The following TENM2 variants were observed in gnomAD, a reference collection of about 807,000 sequenced individuals.
The protein encoded by TENM2 is teneurin-2.
Under a neutral mutation model 245.2 loss-of-function variants are expected in TENM2, and 52 were observed. The ratio of observed to expected loss-of-function variants is 0.21; its 90% CI spans 0.17 to 0.27. TENM2 has a LOEUF of 0.27. Ranked by LOEUF, TENM2 falls within the 10% of genes least tolerant of loss-of-function variation. The pLI, the probability that TENM2 is intolerant of heterozygous loss-of-function variation, is 1.00. For missense variants in TENM2, 3,046 were observed against 3,666.8 expected (o/e 0.83, Z 4.37); for synonymous variants, 1,363 against 1,438.9 (o/e 0.95, Z 1.19).
At chr5:167,685,068 T>C (rs1210044622) in intron 2 of TENM2, among the ~76,000 whole-genome samples, 1 of 152,188 alleles carries the variant, frequency 6.6e-6, no homozygotes, top group Non-Finnish European at 1.5e-5. Flanking sequence ...TCATGTGGAA[T>C]TGTTAGTCAT....
the TENM2 span, among the ~76,000 whole-genome samples, chr5:167,064,881 T>G: frequency 6.6e-6 from 1 of 152,188 alleles, no homozygotes; most frequent in African/African-American, 2.4e-5. Context: ...TGCCAATCTG[T>G]TAATTAATTA....
the TENM2 span, among the ~76,000 whole-genome samples, chr5:167,255,200 A>G: frequency 6.6e-6 from 1 of 152,056 alleles, no homozygotes; most frequent in Non-Finnish European, 1.5e-5. Context: ...ATGAAGAATC[A>G]TAAAAAGAAT....
chr5:168,230,135 G>C (rs1043925677), intron 25 of TENM2, among the ~76,000 whole-genome samples: 1 of 152,102 alleles, frequency 6.6e-6, no homozygotes, highest in Non-Finnish European at 1.5e-5. Flanking sequence ...AGGCACACAA[G>C]TCTTATAACT....
the TENM2 span, among the ~76,000 whole-genome samples, chr5:167,166,946 G>A: frequency 1.3e-5 from 2 of 152,126 alleles, no homozygotes; most frequent in Admixed American, 1.3e-4. Context: ...GGGGCTAGAT[G>A]AGCAAAGCCA....
intron 1 of TENM2, among the ~76,000 whole-genome samples, chr5:167,342,859 AT>A (rs34528128): frequency 0.57 from 80,522 of 142,210 alleles, 22,231 homozygotes; most frequent in Admixed American, 0.64. Flanking sequence ...TCCATGATGC[AT>A]TTTTTTTTTT....
At chr5:167,469,660 G>T (rs1766889297) in intron 2 of TENM2, among the ~76,000 whole-genome samples, 1 of 151,830 alleles carries the variant, frequency 6.6e-6, no homozygotes, top group African/African-American at 2.4e-5. Context: ...TTGCAATTTA[G>T]GATTTTATTT....
the TENM2 span, among the ~76,000 whole-genome samples, chr5:167,247,107 A>G: frequency 6.6e-6 from 1 of 152,174 alleles, no homozygotes; most frequent in Non-Finnish European, 1.5e-5. Flanking sequence ...GCTGCATGCT[A>G]GACCCTTTAC....
At chr5:167,441,029 C>A (rs2127459531) in intron 2 of TENM2, among the ~76,000 whole-genome samples, 1 of 152,208 alleles carries the variant, frequency 6.6e-6, no homozygotes, top group East Asian at 1.9e-4. Flanking sequence ...AGCTAATGAC[C>A]CAGGAGGCAG....
chr5:167,329,192 T>C (rs1441803527), intron 1 of TENM2, among the ~76,000 whole-genome samples: 1 of 152,082 alleles, frequency 6.6e-6, no homozygotes, highest in South Asian at 2.1e-4. Context: ...TTGAATACCT[T>C]GTCAAGAAGT....
intron 27 of TENM2, among the ~76,000 whole-genome samples, chr5:168,249,072 A>T (rs1354809634): frequency 1.3e-5 from 2 of 151,574 alleles, no homozygotes; most frequent in Non-Finnish European, 2.9e-5. Context: ...GTGAGTTGAG[A>T]TCATGCCACT....
the TENM2 span, among the ~76,000 whole-genome samples, chr5:167,112,365 C>T: frequency 6.6e-6 from 1 of 152,172 alleles, no homozygotes; most frequent in Non-Finnish European, 1.5e-5. Context: ...TTCCTATTGA[C>T]TCATATTCAG....
chr5:168,009,832 G>C (rs1053327113), intron 5 of TENM2, among the ~76,000 whole-genome samples: 1 of 152,184 alleles, frequency 6.6e-6, no homozygotes, highest in Non-Finnish European at 1.5e-5. Flanking sequence ...AGGAGCTAAG[G>C]CTTGGCCATG....
intron 2 of TENM2, among the ~76,000 whole-genome samples, chr5:167,825,884 C>T (rs892628282): frequency 2.0e-5 from 3 of 151,028 alleles, no homozygotes; most frequent in African/African-American, 7.3e-5. Flanking sequence ...AAAAAAACAA[C>T]TGTGACCCAG....
chr5:167,875,871 A>C, intron 2 of TENM2, 115 bp from the exon 5 acceptor site: 4 of 666,118 alleles, frequency 6.0e-6, no homozygotes, highest in Non-Finnish European at 1.0e-5. Flanking sequence ...GGAGCAGTTC[A>C]TTTCTTTTTT....
At chr5:166,983,048 T>C in the TENM2 span, among the ~76,000 whole-genome samples, 1 of 152,098 alleles carries the variant, frequency 6.6e-6, no homozygotes, top group Non-Finnish European at 1.5e-5. Context: ...AGCAACAGAC[T>C]TTTTAAAAAT....
At chr5:168,112,390 A>G (rs757301818) in intron 9 of TENM2, among the ~76,000 whole-genome samples, 55 of 152,086 alleles carry the variant, frequency 3.6e-4, no homozygotes, top group Non-Finnish European at 6.2e-4. Context: ...TCTACCCTCC[A>G]GAAGGTCCCA....
intron 4 of TENM2, among the ~76,000 whole-genome samples, chr5:167,957,636 CT>C (rs767552228): frequency 2.0e-5 from 3 of 152,338 alleles, no homozygotes; most frequent in Admixed American, 6.5e-5. Context: ...CCTCTAAACA[CT>C]GCTTTAGCTG....
chr5:167,445,334 T>TAGAGAGAGAGAGAGAGAGAGAGAGAG (rs1380778783), intron 2 of TENM2, among the ~76,000 whole-genome samples: 1 of 86,326 alleles, frequency 1.2e-5, no homozygotes, highest in African/African-American at 4.7e-5. Context: ...TATATATATA[T>TAGAGAGAGAGAGAGAGAGAGAGAGAG]ATAGAGAGAG....
chr5:167,332,619 G>A (rs1757527938), intron 1 of TENM2, among the ~76,000 whole-genome samples: 1 of 152,092 alleles, frequency 6.6e-6, no homozygotes, highest in Non-Finnish European at 1.5e-5. Flanking sequence ...TTTATTCCTT[G>A]GGATTCTTAA....
Sources: gnomAD v4.1 joint callset for allele counts (sites outside exome capture counted in the v4.1 genomes callset) on GRCh38, gnomAD v4.1.1 for gene constraint, MANE v1.5 for transcripts, NCBI Gene and HGNC (gene_info 2026-07-23, HGNC 2026-07-21) for gene names.